The following NDUFAF7 variants were observed in gnomAD, a reference collection of about 807,000 sequenced individuals.
NDUFAF7 encodes the protein NADH:ubiquinone oxidoreductase complex assembly factor 7.
NDUFAF7 carries 48 observed loss-of-function variants against 47.2 expected under a neutral mutation model. The observed-to-expected ratio is 1.02, with a 90% CI of 0.81 to 1.29. The LOEUF is 1.29. Among genes scored for constraint, NDUFAF7 ranks in the 50% most tolerant of loss-of-function variants. NDUFAF7 has a pLI of 0.00. For missense variants in NDUFAF7, 635 were observed against 537.6 expected (o/e 1.18, Z -1.79); for synonymous variants, 217 against 190.0 (o/e 1.14, Z -1.17).
intron 2 of NDUFAF7, among the ~76,000 whole-genome samples, chr2:37,233,211 G>C (rs1252124749): frequency 6.6e-6 from 1 of 152,196 alleles, no homozygotes; most frequent in African/African-American, 2.4e-5. Context: ...TTGAGATTAA[G>C]ACAGACAGGA....
chr2:37,262,728 T>G, the NDUFAF7 span, among the ~76,000 whole-genome samples: 2 of 152,208 alleles, frequency 1.3e-5, no homozygotes, highest in Non-Finnish European at 2.9e-5. Context: ...AAAATAGAAG[T>G]ATGCTGTAAC....
At chr2:37,242,022 T>C (rs368577670) in intron 5 of NDUFAF7, 3 of 572,316 alleles carry the variant, frequency 5.2e-6, no homozygotes, top group Non-Finnish European at 9.3e-6. Context: ...CCAAACAAAA[T>C]GTAAATCTCC....
Position 37,231,746 on chromosome 2 carries a change from C to T in NDUFAF7, c.41C>T (p.Ala14Val), listed in dbSNP as rs1346583000. 1 of 1,614,174 alleles carries T rather than the reference C, an allele frequency of 6.2e-7. No homozygotes were observed. Among genetic ancestry groups the T allele is most frequent in the South Asian group, 1.1e-5 (1 of 91,080 alleles). The change falls in exon 1 of 10, where the codon GCC (alanine) becomes GTC (valine). Residue 14 changes from alanine to valine, a missense_variant. Physicochemically the swap from Ala to Val is moderately conservative, Grantham distance 64. Transcript: ENST00000002125. ...LLRSGLGPLC[A>V]VARAAIPFIW... ...AGGTCAGGTTTGGGGCCGTTGTGTG[C>T]CGTGGCGCGCGCAGGTAAGCGTCAG...
chr2:37,257,003 C>G, downstream of NDUFAF7: 1 of 1,459,586 alleles, frequency 6.9e-7, no homozygotes, highest in Non-Finnish European at 9.5e-7. Context: ...AAATATAACA[C>G]TGTATGTATC....
chr2:37,247,222 A>T (rs1667021786), intron 8 of NDUFAF7: 3 of 539,390 alleles, frequency 5.6e-6, no homozygotes, highest in Non-Finnish European at 1.0e-5. Flanking sequence ...ACGTGATTTC[A>T]TTTTTTTTTA....
intron 3 of NDUFAF7, among the ~76,000 whole-genome samples, chr2:37,236,505 A>G (rs1279964659): frequency 1.3e-5 from 2 of 151,980 alleles, no homozygotes; most frequent in African/African-American, 4.8e-5. Flanking sequence ...GGCCAGGCGT[A>G]GTGGCTCACA....
chr2:37,236,867 A>G (rs1272547391), intron 3 of NDUFAF7, among the ~76,000 whole-genome samples: 2 of 152,088 alleles, frequency 1.3e-5, no homozygotes, highest in Non-Finnish European at 2.9e-5. Flanking sequence ...GTGCCCGGGA[A>G]GGAAGAGAGA....
chr2:37,252,202 G>GTT (rs1254032061), downstream of NDUFAF7: 1 of 152,134 alleles, frequency 6.6e-6, no homozygotes, highest in Non-Finnish European at 1.5e-5. Context: ...AAAGGATACT[G>GTT]TTTGCTATAC....
intron 9 of NDUFAF7, 34 bp downstream of exon 9, chr2:37,247,663 C>G (rs376536110): frequency 1.2e-6 from 2 of 1,608,460 alleles, no homozygotes; most frequent in South Asian, 1.1e-5. Flanking sequence ...TTATTAAGTA[C>G]TTTCATAGTA....
chr2:37,267,694 A>G, the NDUFAF7 span: 1 of 594,532 alleles, frequency 1.7e-6, no homozygotes, highest in Non-Finnish European at 2.9e-6. Flanking sequence ...TAATTTAGGA[A>G]AAAATTGTTT....
intron 3 of NDUFAF7, 134 bp downstream of exon 3, chr2:37,236,310 T>C: frequency 1.3e-6 from 1 of 783,374 alleles, no homozygotes; most frequent in Non-Finnish European, 2.2e-6. Context: ...GTAGTTTATG[T>C]ACTGAGGGAA....
At chr2:37,247,671 G>A (rs1431028351) in intron 9 of NDUFAF7, 42 bp downstream of exon 9, 1 of 1,604,974 alleles carries the variant, frequency 6.2e-7, no homozygotes. Context: ...TACTTTCATA[G>A]TATTTCAAAA....
At chr2:37,235,359 T>C (rs1356611934) in intron 2 of NDUFAF7, among the ~76,000 whole-genome samples, 1 of 151,872 alleles carries the variant, frequency 6.6e-6, no homozygotes, top group Non-Finnish European at 1.5e-5. Context: ...AAGCAAATGC[T>C]CCCATGTAAC....
At chr2:37,271,342 C>G in the NDUFAF7 span, among the ~76,000 whole-genome samples, 292 of 152,172 alleles carry the variant, frequency 1.9e-3, 2 homozygotes, top group African/African-American at 6.9e-3. Context: ...CTGGACAAAT[C>G]AAAATAATAT....
intron 2 of NDUFAF7, among the ~76,000 whole-genome samples, chr2:37,234,325 C>T (rs1412759530): frequency 6.6e-5 from 10 of 152,258 alleles, no homozygotes; most frequent in Admixed American, 5.9e-4. Context: ...CTCCTGGCCT[C>T]ATATGATCCG....
intron 4 of NDUFAF7, among the ~76,000 whole-genome samples, chr2:37,238,184 C>T (rs1310451186): frequency 6.6e-6 from 1 of 152,104 alleles, no homozygotes; most frequent in Non-Finnish European, 1.5e-5. Flanking sequence ...TCAATCCTAG[C>T]ACTTTGAGAG....
At chr2:37,251,220 A>G (rs959304771), downstream of NDUFAF7, 1 of 152,602 alleles carries the variant, frequency 6.6e-6, no homozygotes, top group Non-Finnish European at 1.5e-5. Flanking sequence ...TTTGAAAATT[A>G]ATTTGATTTA....
At chr2:37,269,645 C>G in the NDUFAF7 span, 1 of 1,613,168 alleles carries the variant, frequency 6.2e-7, no homozygotes, top group Non-Finnish European at 8.5e-7. Flanking sequence ...TGGCCTGAAC[C>G]AAGCACCTCA....
rs1665970434 is a variant in NDUFAF7, at chr2:37,237,999, A to G, written c.408+132A>G. ...TTCTCAGCTAAAATATAATGTCAGA[A>G]TAATGTAATCAGTCATTACTTACTG... On this transcript the variant is annotated intron_variant, in intron 4 of 9. Transcript: ENST00000002125. 4.5e-5 allele frequency: 33 copies of G among 732,722 alleles called. 1 individual carries two copies. The South Asian group carries it at 5.2e-4, about 12-fold the overall frequency. The allele number at this position is 732,722 out of a possible 1,614,324, so 45.4% of individuals were successfully genotyped here. A position where few individuals can be genotyped will look rare whatever the true frequency, so the allele number is the denominator to read the frequency against.
Sources: gnomAD v4.1 joint callset for allele counts (sites outside exome capture counted in the v4.1 genomes callset) on GRCh38, gnomAD v4.1.1 for gene constraint, MANE v1.5 for transcripts, NCBI Gene and HGNC (gene_info 2026-07-23, HGNC 2026-07-21) for gene names.